The following PDZRN4 variants were observed in gnomAD, a reference collection of about 807,000 sequenced individuals.
PDZRN4 encodes PDZ domain containing ring finger 4.
A neutral mutation model predicts 99.0 loss-of-function variants in PDZRN4; 70 were observed. The observed-to-expected ratio is 0.71, with a 90% confidence interval of 0.58 to 0.86. PDZRN4 has a LOEUF of 0.86. PDZRN4 is among the 40% of genes least tolerant of loss of function. The pLI, the probability that PDZRN4 is intolerant of heterozygous loss-of-function variation, is 0.00. For synonymous variants in PDZRN4, 551 were observed against 501.6 expected (o/e 1.10, Z -1.32); for missense variants, 1,474 against 1,331.2 (o/e 1.11, Z -1.67).
At chr12:41,264,773 C>T (rs2120841246) in intron 3 of PDZRN4, among the ~76,000 whole-genome samples, 1 of 152,080 alleles carries the variant, frequency 6.6e-6, no homozygotes, top group Middle Eastern at 3.4e-3. Context: ...TGTAGAAAAC[C>T]TTTTTCAGAA....
At chr12:41,300,477 A>G (rs1263694589) in intron 3 of PDZRN4, among the ~76,000 whole-genome samples, 1 of 152,008 alleles carries the variant, frequency 6.6e-6, no homozygotes, top group Non-Finnish European at 1.5e-5. Context: ...AAACAGTTTA[A>G]TAAACTGTCT....
intron 3 of PDZRN4, among the ~76,000 whole-genome samples, chr12:41,393,910 C>A (rs544482996): frequency 6.6e-6 from 1 of 152,272 alleles, no homozygotes; most frequent in East Asian, 1.9e-4. Context: ...GTACAGGTAG[C>A]GTCTCTGCAA....
chr12:41,484,551 A>G (rs1390224553), intron 3 of PDZRN4, among the ~76,000 whole-genome samples: 2 of 152,192 alleles, frequency 1.3e-5, no homozygotes, highest in East Asian at 3.8e-4. Context: ...CACTTACTAA[A>G]TGCTGAATGC....
chr12:41,387,135 T>C (rs750456292), intron 3 of PDZRN4, among the ~76,000 whole-genome samples: 1 of 152,128 alleles, frequency 6.6e-6, no homozygotes, highest in African/African-American at 2.4e-5. Flanking sequence ...CTAATTAAAC[T>C]AAAGAGCTTC....
chr12:41,399,300 A>G lies in PDZRN4; in HGVS notation c.844-107156A>G, dbSNP rs574866943. Among the ~76,000 whole-genome samples, 12 of 152,352 alleles carry G rather than the reference A, an allele frequency of 7.9e-5. No homozygotes were observed. The South Asian group carries it at 1.4e-3, about 18-fold the overall frequency. Reference sequence around the variant, plus strand: ...ATATAAACACATATGAAAGCATAAGAGTATTAAAATTCAAATAGTGAATTG... The same window carrying G: ...ATATAAACACATATGAAAGCATAAGGGTATTAAAATTCAAATAGTGAATTG... On this transcript the variant is annotated intron_variant, in intron 3 of 9. Coordinates refer to ENST00000402685, the MANE Select transcript of PDZRN4 (RefSeq NM_001164595.2).
rs10557714 is a variant in PDZRN4, at chr12:41,559,184, TACACAC to T, written c.1365+3441_1365+3446del. Among the ~76,000 whole-genome samples, 1,367 of 150,110 alleles carry T rather than the reference TACACAC, an allele frequency of 9.1e-3. 25 individuals are homozygous for T. Among genetic ancestry groups the T allele is most frequent in the African/African-American group, 0.032 (1,301 of 40,928 alleles). Reference sequence around the variant, plus strand: ...GACATCTCACTCACACACACATACATACACACACACACACACACACACGTGCTGTCA... The same window carrying T: ...GACATCTCACTCACACACACATACATACACACACACACACACGTGCTGTCA... On this transcript the variant is annotated intron_variant, in intron 7 of 9. Transcript: ENST00000402685.
rs1043356025 is a variant in PDZRN4 at position 41,346,228 on chromosome 12, C to T, written c.843+152040C>T. Among the ~76,000 whole-genome samples the T allele has an allele frequency of 1.3e-4, 20 of 152,024 alleles. No homozygotes were observed. In the South Asian group the frequency reaches 1.7e-3, roughly 13 times the overall value. ...CTGTAATCCCAGCACTTTGGGAGGC[C>T]GAGGCGGGCAGATCACGAGGTCAGG... On this transcript the variant is annotated intron_variant, in intron 3 of 9. Transcript: ENST00000402685.
intron 3 of PDZRN4, among the ~76,000 whole-genome samples, chr12:41,280,485 A>C (rs1488170214): frequency 6.6e-6 from 1 of 152,156 alleles, no homozygotes; most frequent in African/African-American, 2.4e-5. Flanking sequence ...GGCTGCCAGC[A>C]CAGCAGTCTG....
At chr12:41,468,934 A>T (rs1952958097) in intron 3 of PDZRN4, among the ~76,000 whole-genome samples, 2 of 151,854 alleles carry the variant, frequency 1.3e-5, no homozygotes, top group Non-Finnish European at 2.9e-5. Context: ...GCTTGAACCC[A>T]GTAGGTGGAA....
At chr12:41,346,427 A>G (rs905644410) in intron 3 of PDZRN4, among the ~76,000 whole-genome samples, 4 of 152,218 alleles carry the variant, frequency 2.6e-5, no homozygotes, top group African/African-American at 9.6e-5. Context: ...GCGCCACTGC[A>G]GTCAGGCCTG....
chr12:41,425,052 T>A (rs966844760), intron 3 of PDZRN4, among the ~76,000 whole-genome samples: 4 of 152,118 alleles, frequency 2.6e-5, no homozygotes, highest in African/African-American at 9.7e-5. Flanking sequence ...CGAAACAACA[T>A]TCACAACATA....
chr12:41,267,659 T>C (rs1320062113), intron 3 of PDZRN4, among the ~76,000 whole-genome samples: 1 of 134,078 alleles, frequency 7.5e-6, no homozygotes, highest in Non-Finnish European at 1.6e-5. Context: ...TGAAACCCCA[T>C]CTCTACTAAA....
intron 3 of PDZRN4, chr12:41,477,801 C>A: frequency 1.1e-6 from 1 of 922,274 alleles, no homozygotes; most frequent in South Asian, 1.4e-5. Flanking sequence ...GCGCCTTTAC[C>A]ATGCATGTGG....
At chr12:41,511,738 A>G (rs926330788) in intron 5 of PDZRN4, among the ~76,000 whole-genome samples, 1 of 152,186 alleles carries the variant, frequency 6.6e-6, no homozygotes, top group Non-Finnish European at 1.5e-5. Context: ...TGACACACAC[A>G]TAGAGTGGCA....
At chr12:41,327,296 G>T (rs1951715772) in intron 3 of PDZRN4, among the ~76,000 whole-genome samples, 2 of 152,120 alleles carry the variant, frequency 1.3e-5, no homozygotes, top group African/African-American at 2.4e-5. Flanking sequence ...CTCCTTAGGG[G>T]ACTTTCCTTT....
intron 3 of PDZRN4, among the ~76,000 whole-genome samples, chr12:41,493,141 G>A (rs749331521): frequency 2.7e-4 from 41 of 152,170 alleles, no homozygotes; most frequent in Non-Finnish European, 8.8e-5. Context: ...CAAGTTAGCT[G>A]CATGTGCACT....
intron 3 of PDZRN4, among the ~76,000 whole-genome samples, chr12:41,284,301 C>T (rs563549169): frequency 2.0e-4 from 31 of 152,136 alleles, no homozygotes; most frequent in Non-Finnish European, 3.7e-4. Flanking sequence ...ATACAACTTA[C>T]AAGGGATGTG....
At chr12:41,466,404 T>C (rs183509590) in intron 3 of PDZRN4, among the ~76,000 whole-genome samples, 38 of 152,300 alleles carry the variant, frequency 2.5e-4, no homozygotes, top group Admixed American at 1.5e-3. Flanking sequence ...TAATCTCTAG[T>C]GCCCATCCAA....
At chr12:41,524,791 G>A (rs929595450) in intron 5 of PDZRN4, among the ~76,000 whole-genome samples, 3 of 151,776 alleles carry the variant, frequency 2.0e-5, no homozygotes, top group African/African-American at 4.8e-5. Flanking sequence ...GCCTTTTGGC[G>A]AATACACTGT....
Sources: allele counts gnomAD v4.1 joint callset (sites outside exome capture counted in the v4.1 genomes callset), GRCh38; gene constraint gnomAD v4.1.1; transcripts MANE v1.5; gene names NCBI Gene and HGNC (gene_info 2026-07-23, HGNC 2026-07-21).